The following SPMIP11 variants were observed in gnomAD, a reference collection of about 807,000 sequenced individuals.
The protein encoded by SPMIP11 is sperm microtubule inner protein 11.
At chr12:48,759,318 G>A in the SPMIP11 span, 1 of 702,996 alleles carries the variant, frequency 1.4e-6, no homozygotes, top group Admixed American at 2.0e-5. Flanking sequence ...TCCGGAAGGT[G>A]TTGTTGAAGA....
chr12:48,770,937 T>C, the SPMIP11 span: 2 of 1,614,186 alleles, frequency 1.2e-6, no homozygotes, highest in Non-Finnish European at 1.7e-6. Context: ...GTCTTGATCT[T>C]TTCCAGCTGC....
At chr12:48,737,754 C>A in the SPMIP11 span, among the ~76,000 whole-genome samples, 1 of 151,786 alleles carries the variant, frequency 6.6e-6, no homozygotes, top group Non-Finnish European at 1.5e-5. Context: ...CTTTTTCAAA[C>A]TACCATTTGT....
the SPMIP11 span, among the ~76,000 whole-genome samples, chr12:48,762,346 C>A: frequency 3.4e-5 from 5 of 145,466 alleles, no homozygotes; most frequent in African/African-American, 5.1e-5. Flanking sequence ...GCGTGAGCCA[C>A]CCCGCCCAGC....
At chr12:48,762,704 G>A in the SPMIP11 span, among the ~76,000 whole-genome samples, 1 of 151,906 alleles carries the variant, frequency 6.6e-6, no homozygotes, top group Admixed American at 6.6e-5. Context: ...TTACAGAAAT[G>A]AAGAACAGAT....
At chr12:48,765,783 G>T in the SPMIP11 span, 6 of 658,054 alleles carry the variant, frequency 9.1e-6, no homozygotes, top group South Asian at 9.9e-5. Context: ...AAACAGACTG[G>T]ACTAAAAGTT....
chr12:48,767,967 T>C, the SPMIP11 span: 2 of 157,102 alleles, frequency 1.3e-5, no homozygotes, highest in Non-Finnish European at 2.8e-5. Flanking sequence ...GGACAGATCA[T>C]GGGACTAAGA....
the SPMIP11 span, among the ~76,000 whole-genome samples, chr12:48,764,157 A>AT: frequency 6.4e-4 from 85 of 131,828 alleles, 1 homozygote; most frequent in East Asian, 3.4e-3. Flanking sequence ...TAATTTTTGT[A>AT]TTTTTTTTTT....
the SPMIP11 span, chr12:48,736,048 ATGTCAC>A: frequency 2.2e-6 from 1 of 446,250 alleles, no homozygotes; most frequent in Non-Finnish European, 4.5e-6. Context: ...AAGCCAAATA[ATGTCAC>A]TGTAACTTTT....
At chr12:48,733,764 CTTTTTTTTTTTT>C in the SPMIP11 span, among the ~76,000 whole-genome samples, 11 of 82,904 alleles carry the variant, frequency 1.3e-4, no homozygotes, top group Admixed American at 7.0e-4. Context: ...AATGCAGATT[CTTTTTTTTTTTT>C]TTTTTTTTTT....
chr12:48,763,687 T>A, the SPMIP11 span, among the ~76,000 whole-genome samples: 1 of 151,418 alleles, frequency 6.6e-6, no homozygotes. Flanking sequence ...AGTACTTTTT[T>A]TTTTTTTTTT....
chr12:48,744,933 T>C, the SPMIP11 span, among the ~76,000 whole-genome samples: 1 of 151,966 alleles, frequency 6.6e-6, no homozygotes, highest in African/African-American at 2.4e-5. Context: ...CATAGATCAA[T>C]GTAAATATAA....
the SPMIP11 span, chr12:48,764,924 A>G: frequency 8.5e-6 from 6 of 702,948 alleles, no homozygotes; most frequent in South Asian, 5.9e-5. Context: ...ATGATCCAGG[A>G]GTGCGTCCAG....
At chr12:48,748,895 C>T in the SPMIP11 span, among the ~76,000 whole-genome samples, 3 of 152,168 alleles carry the variant, frequency 2.0e-5, no homozygotes, top group Admixed American at 1.3e-4. Context: ...GACCAGATCC[C>T]ATTTCTTTTT....
At chr12:48,751,978 AATC>A in the SPMIP11 span, among the ~76,000 whole-genome samples, 1 of 151,840 alleles carries the variant, frequency 6.6e-6, no homozygotes, top group African/African-American at 2.4e-5. Flanking sequence ...GAGGCATGAG[AATC>A]TCTCGAACCT....
the SPMIP11 span, among the ~76,000 whole-genome samples, chr12:48,761,162 T>C: frequency 6.6e-6 from 1 of 150,984 alleles, no homozygotes; most frequent in Admixed American, 6.6e-5. Flanking sequence ...CTATAAAACA[T>C]ACACCTGGGC....
the SPMIP11 span, among the ~76,000 whole-genome samples, chr12:48,753,790 C>T: frequency 6.6e-6 from 1 of 151,080 alleles, no homozygotes; most frequent in African/African-American, 2.4e-5. Flanking sequence ...CAACCTCTGC[C>T]CCCCCGGGTT....
the SPMIP11 span, among the ~76,000 whole-genome samples, chr12:48,762,120 G>A: frequency 5.8e-5 from 8 of 137,888 alleles, no homozygotes; most frequent in Admixed American, 2.3e-4. Context: ...GTGCAGTGGC[G>A]CGATCTCGGC....
the SPMIP11 span, among the ~76,000 whole-genome samples, chr12:48,762,141 C>T: frequency 2.8e-5 from 4 of 142,148 alleles, no homozygotes; most frequent in Admixed American, 7.5e-5. Flanking sequence ...TCACCACAAG[C>T]TCTGCCTCCC....
chr12:48,729,274 G>A, the SPMIP11 span, among the ~76,000 whole-genome samples: 5 of 152,188 alleles, frequency 3.3e-5, no homozygotes, highest in Admixed American at 6.5e-5. Context: ...GGTGGCTCAC[G>A]CCTGTAATCC....
Sources: allele counts gnomAD v4.1 joint callset (sites outside exome capture counted in the v4.1 genomes callset), GRCh38; gene constraint gnomAD v4.1.1; transcripts MANE v1.5; gene names NCBI Gene and HGNC (gene_info 2026-07-23, HGNC 2026-07-21).